Variants in CDIN1 observed in about 807,000 individuals in gnomAD.
The protein encoded by CDIN1 is CDAN1 interacting nuclease 1.
A neutral mutation model predicts 45.3 loss-of-function variants in CDIN1; 33 were observed. The ratio of observed to expected loss-of-function variants is 0.73; its 90% CI spans 0.55 to 0.97. The LOEUF is 0.97. Ranked by LOEUF, CDIN1 falls within the 50% of genes least tolerant of loss-of-function variation. CDIN1 has a pLI of 0.00. For synonymous variants in CDIN1, 118 were observed against 124.4 expected (o/e 0.95, Z 0.34); for missense variants, 303 against 339.4 (o/e 0.89, Z 0.84).
intron 1 of CDIN1, chr15:36,613,510 G>C (rs1470987797): frequency 6.5e-7 from 1 of 1,546,670 alleles, no homozygotes; most frequent in African/African-American, 1.4e-5. Flanking sequence ...TGAAGCGCAA[G>C]ATCCAGGTTG....
chr15:36,608,143 TTAATG>T (rs2038469297), intron 1 of CDIN1, among the ~76,000 whole-genome samples: 1 of 152,250 alleles, frequency 6.6e-6, no homozygotes, highest in African/African-American at 2.4e-5. Flanking sequence ...TCTATGAACA[TTAATG>T]TATAAATTTT....
At chr15:36,658,074 T>G (rs1455630012) in intron 5 of CDIN1, among the ~76,000 whole-genome samples, 169 bp downstream of exon 5, 1 of 152,164 alleles carries the variant, frequency 6.6e-6, no homozygotes, top group Non-Finnish European at 1.5e-5. Context: ...ACTTAAATAC[T>G]CTTCAGAATA....
At chr15:36,742,189 C>G (rs1262981219) in intron 10 of CDIN1, among the ~76,000 whole-genome samples, 1 of 152,026 alleles carries the variant, frequency 6.6e-6, no homozygotes, top group Admixed American at 6.5e-5. Context: ...ATTGAAATTA[C>G]AGGTCATTCA....
intron 10 of CDIN1, among the ~76,000 whole-genome samples, chr15:36,760,593 G>C (rs1207481173): frequency 6.6e-6 from 1 of 152,146 alleles, no homozygotes; most frequent in Non-Finnish European, 1.5e-5. Context: ...GTATGCATTT[G>C]TCTCTTCCAC....
Position 36,713,310 on chromosome 15 carries a change from C to T in CDIN1, c.716+3349C>T, listed in dbSNP as rs180810743. The stretch of plus-strand genomic sequence containing the variant: ...GAAATTGCAACTGCAAGTTTCAGCC[C>T]CTCCATCTGCCATTCCAGTCACATT... On this transcript the variant is annotated intron_variant, in intron 10 of 10. Transcript: ENST00000566621. 1.5e-3 allele frequency among the ~76,000 whole-genome samples: 225 copies of T among 152,258 alleles called. 1 individual carries two copies. The highest frequency in any genetic ancestry group is 5.2e-3 in the African/African-American group (218 of 41,560).
chr15:36,695,844 CA>C (rs1307472461), intron 7 of CDIN1, among the ~76,000 whole-genome samples: 22 of 137,154 alleles, frequency 1.6e-4, no homozygotes, highest in Admixed American at 1.5e-4. Context: ...GAGTCCATCT[CA>C]AAAAAAAAAA....
chr15:36,668,680 G>A (rs1477947543), intron 5 of CDIN1, among the ~76,000 whole-genome samples: 1 of 152,020 alleles, frequency 6.6e-6, no homozygotes, highest in African/African-American at 2.4e-5. Context: ...ATCTCTTACT[G>A]TCATAAAAGT....
intron 1 of CDIN1, among the ~76,000 whole-genome samples, chr15:36,643,462 A>G (rs1051873492): frequency 1.3e-5 from 2 of 152,254 alleles, no homozygotes; most frequent in African/African-American, 4.8e-5. Context: ...GTAGGAAAAT[A>G]GAAATAATTG....
chr15:36,662,366 G>T (rs1362402517), intron 5 of CDIN1, among the ~76,000 whole-genome samples: 1 of 152,132 alleles, frequency 6.6e-6, no homozygotes, highest in Non-Finnish European at 1.5e-5. Context: ...TCCCTGATGG[G>T]ATTACTAAAT....
At chr15:36,777,071 G>GC in intron 10 of CDIN1, among the ~76,000 whole-genome samples, 1 of 152,058 alleles carries the variant, frequency 6.6e-6, no homozygotes, top group Middle Eastern at 3.4e-3. Flanking sequence ...TATTTACTGG[G>GC]GAAAAAAATA....
chr15:36,789,103 G>A (rs1255978227), intron 10 of CDIN1, among the ~76,000 whole-genome samples: 5 of 152,194 alleles, frequency 3.3e-5, no homozygotes, highest in East Asian at 1.9e-4. Context: ...GAAAGTTTAC[G>A]AATTTGTGTT....
intron 5 of CDIN1, among the ~76,000 whole-genome samples, chr15:36,688,705 G>A (rs1451220269): frequency 6.6e-6 from 1 of 152,154 alleles, no homozygotes; most frequent in Non-Finnish European, 1.5e-5. Flanking sequence ...GCTTTCTTGA[G>A]GCCTCTTAGC....
chr15:36,746,108 G>T (rs903542347), intron 10 of CDIN1, among the ~76,000 whole-genome samples: 4 of 152,220 alleles, frequency 2.6e-5, no homozygotes, highest in Non-Finnish European at 5.9e-5. Flanking sequence ...ACAGACTTCA[G>T]TGTCTCTGGG....
intron 1 of CDIN1, among the ~76,000 whole-genome samples, chr15:36,621,231 G>A (rs887743546): frequency 2.6e-5 from 4 of 152,156 alleles, no homozygotes; most frequent in Non-Finnish European, 5.9e-5. Context: ...GTGACATAGC[G>A]TAAGCATCTT....
intron 10 of CDIN1, among the ~76,000 whole-genome samples, chr15:36,716,590 A>G (rs952364499): frequency 6.6e-6 from 1 of 152,154 alleles, no homozygotes; most frequent in Non-Finnish European, 1.5e-5. Context: ...TTTTTAAAAT[A>G]TTGATGTTGG....
chr15:36,726,970 CT>C (rs1200356644), intron 10 of CDIN1, among the ~76,000 whole-genome samples: 1 of 152,156 alleles, frequency 6.6e-6, no homozygotes, highest in Non-Finnish European at 1.5e-5. Flanking sequence ...CTATATATAT[CT>C]TTCCCTCTGA....
chr15:36,641,476 C>T (rs2040103551), intron 1 of CDIN1: 1 of 152,196 alleles, frequency 6.6e-6, no homozygotes, highest in African/African-American at 2.4e-5. Flanking sequence ...TCTCCTTTAC[C>T]CAGACAGCTG....
chr15:36,645,940 C>G (rs1322979473), intron 3 of CDIN1, among the ~76,000 whole-genome samples: 2 of 145,040 alleles, frequency 1.4e-5, no homozygotes, highest in East Asian at 4.1e-4. Flanking sequence ...ATTTCAACTT[C>G]TTGTTCTGAA....
chr15:36,807,535 T>C (rs947610167), intron 10 of CDIN1, among the ~76,000 whole-genome samples: 1 of 152,160 alleles, frequency 6.6e-6, no homozygotes, highest in Non-Finnish European at 1.5e-5. Flanking sequence ...TCCTGATGGG[T>C]GAAGTAGTCC....
Sources: gnomAD v4.1 joint callset for allele counts (sites outside exome capture counted in the v4.1 genomes callset) on GRCh38, gnomAD v4.1.1 for gene constraint, MANE v1.5 for transcripts, NCBI Gene and HGNC (gene_info 2026-07-23, HGNC 2026-07-21) for gene names.